CACNA1F: variants seen among roughly 807,000 people sequenced by gnomAD.
The protein encoded by CACNA1F is calcium voltage-gated channel subunit alpha1 F.
Under a neutral mutation model 143.8 loss-of-function variants are expected in CACNA1F, and 59 were observed. The ratio of observed to expected loss-of-function variants is 0.41; its 90% confidence interval spans 0.33 to 0.51. The LOEUF is 0.51. Ranked by LOEUF, CACNA1F falls within the 20% of genes least tolerant of loss-of-function variation. The probability of loss-of-function intolerance (pLI) is 0.22; values close to 1 mark genes in which losing one functional copy is unlikely to be tolerated. For synonymous variants in CACNA1F, 643 were observed against 649.1 expected, an observed-to-expected ratio of 0.99 and a Z score of 0.14; for missense variants, 1,411 against 1,647.5, an observed-to-expected ratio of 0.86 and a Z score of 2.48.
In CACNA1F at chrX:49,231,009, G is replaced by GGGGGA; in HGVS notation, c.382-21_382-20insTCCCC. 1 of 1,119,764 alleles carries GGGGGA rather than the reference G, an allele frequency of 8.9e-7. No individual in the cohort carries two copies. Among genetic ancestry groups the GGGGGA allele is most frequent in the Admixed American group, 2.2e-5 (1 of 45,209 alleles). The allele number at this position is 1,119,764 out of a possible 1,213,427, so 92.3% of individuals were successfully genotyped here. A position where few individuals can be genotyped will look rare whatever the true frequency, so the allele number is the denominator to read the frequency against. Reference sequence around the variant, plus strand: ...CTGCTCCTGGGGGTGGGACCGGGGGGCGGGTCGGGAAGTCGAGGAGTTATT... The same window carrying GGGGGA: ...CTGCTCCTGGGGGTGGGACCGGGGGGGGGGACGGGTCGGGAAGTCGAGGAGTTATT... On this transcript the variant is annotated intron_variant, in intron 3 of 47. Transcript: ENST00000323022.
rs1203684274 is a variant in CACNA1F at position 49,232,064 on chromosome X, A to C, written c.26-137T>G. The C allele has an allele frequency of 5.2e-6, 3 of 572,432 alleles. No individual in the cohort carries two copies. In the African/African-American group the frequency reaches 7.0e-5, roughly 13 times the overall value. 47.2% of individuals were successfully genotyped at this position (572,432 alleles called of 1,213,427 possible). On this transcript the variant is annotated intron_variant, in intron 1 of 47. Transcript: ENST00000323022. ...AGGGAGAACTGGGAGTAGCTGGGTTAAGGACTGGGAAGTAAGAGTGTTCGA... is the reference window on the plus strand; with the variant it reads ...AGGGAGAACTGGGAGTAGCTGGGTTCAGGACTGGGAAGTAAGAGTGTTCGA...
intron 47 of CACNA1F, 30 bp downstream of exon 47, chrX:49,205,586 C>T (rs1557104647): frequency 8.5e-7 from 1 of 1,177,303 alleles, no homozygotes; most frequent in South Asian, 1.8e-5. Context: ...TCTCCCCCAT[C>T]CGTCTTGTCT....
Position 49,205,689 on chromosome X carries a change from C to T in CACNA1F, c.5597G>A (p.Cys1866Tyr), listed in dbSNP as rs374860668. The T allele has an allele frequency of 8.3e-7, 1 of 1,203,453 alleles. No individual in the cohort carries two copies. The highest frequency in any genetic ancestry group is 1.1e-6 in the Non-Finnish European group (1 of 891,774). ...CGAGTGGGTTCCAGGCACGTGCAGACAGGTGAAGGTGCGCAGTGGGCCACT... is the reference window on the plus strand; with the variant it reads ...CGAGTGGGTTCCAGGCACGTGCAGATAGGTGAAGGTGCGCAGTGGGCCACT... ...RSSGPLRTFT[C>Y]LHVPGTHSDP... is the part of the protein sequence containing the mutation. Residue 1866 changes from cysteine to tyrosine, a missense_variant, in exon 47 of 48, where the codon TGT becomes TAT. Cys to Tyr is a radical substitution (Grantham distance 194, BLOSUM62 -2). Transcript: ENST00000323022.
At chrX:49,232,055 A>C (rs1461864742) in intron 1 of CACNA1F, 128 bp from the exon 2 acceptor site, 2 of 658,815 alleles carry the variant, frequency 3.0e-6, no homozygotes, top group Non-Finnish European at 4.5e-6. Flanking sequence ...AACTGGGAGT[A>C]GCTGGGTTAA....
At chrX:49,216,240 C>A in intron 27 of CACNA1F, 142 bp downstream of exon 27, 1 of 631,389 alleles carries the variant, frequency 1.6e-6, no homozygotes. Flanking sequence ...ACACCCACCA[C>A]TCTCCAGAAA....
chrX:49,212,299 A>G lies in CACNA1F; in HGVS notation c.3952T>C (p.Tyr1318His). The G allele has an allele frequency of 8.3e-7, 1 of 1,202,443 alleles. No individual in the cohort carries two copies. The highest frequency in any genetic ancestry group is 1.1e-6 in the Non-Finnish European group (1 of 887,190). The change falls in exon 34 of 48, where the codon TAT becomes CAT. Residue 1318 changes from tyrosine (Y) to histidine (H), a missense_variant. By Grantham distance (83) the Tyr-to-His change is moderately conservative. Coordinates refer to ENST00000323022, the MANE Select transcript of CACNA1F (RefSeq NM_001256789.3). ...ATCATTGCGATGAGAAGAGCCACAT[A>G]GGGCAAGGCCTATAGGGATGGGGGA... is the stretch of plus-strand genomic sequence containing the variant. ...TFIKSFQALP[Y>H]VALLIAMIFF...
intron 26 of CACNA1F, 65 bp downstream of exon 26, chrX:49,217,690 T>C: frequency 2.1e-6 from 2 of 958,680 alleles, no homozygotes; most frequent in East Asian, 3.1e-5. Context: ...TGGTGAGATC[T>C]AGAGGCTCTA....
Position 49,212,751 on chromosome X carries a change from G to A in CACNA1F, c.3858C>T (p.Leu1286=), listed in dbSNP as rs2065670742. The A allele has an allele frequency of 8.3e-7, 1 of 1,207,738 alleles. No individual in the cohort carries two copies. Among genetic ancestry groups the A allele is most frequent in the Non-Finnish European group, 1.1e-6 (1 of 893,964 alleles). ...SSRISITFFR[L]FRVMRLVKLL... ...GCTTGACCAGCCGCATAACTCGGAA[G>A]AGGCGAAAGAAGGTAATGGAAATGC... is the stretch of plus-strand genomic sequence containing the variant. The change falls in exon 33 of 48, where the codon CTC becomes CTT. Residue 1286 remains leucine (L), a synonymous_variant. Transcript: ENST00000323022.
rs1557105750 is a variant in CACNA1F, at chrX:49,209,664, T to C, written c.4786A>G (p.Asn1596Asp). Residue 1596 changes from asparagine to aspartate, a missense_variant, in exon 41 of 48, where the codon AAC becomes GAC. By Grantham distance (23) the Asn-to-Asp change is conservative. Around this residue, in one of 3 missense-constraint regions of CACNA1F, gnomAD observed 349 missense variants for 350.2 expected, o/e 1.00. Coordinates refer to ENST00000323022, the MANE Select transcript of CACNA1F (RefSeq NM_001256789.3). Reference sequence around the variant, plus strand: ...GAAGAGGTGCTAGGGGCGGCGTCGTTGCCTAGTAGCCCTTTTTCTTTCCTC... The same window carrying C: ...GAAGAGGTGCTAGGGGCGGCGTCGTCGCCTAGTAGCCCTTTTTCTTTCCTC... Reference protein sequence around the residue: ...RRRKEKGLLGNDAAPSTSSAL... With the variant: ...RRRKEKGLLGDDAAPSTSSAL... 8.3e-7 allele frequency: 1 copy of C among 1,211,022 alleles called. No homozygotes were observed.
At position 49,226,452 on chromosome X, in the gene CACNA1F, C is replaced by T. The variant is rs2065825237; in HGVS notation, c.1420G>A (p.Glu474Lys). The change falls in exon 11 of 48, where the codon GAG becomes AAG. Residue 474 changes from glutamate (E) to lysine (K), a missense_variant. Glu to Lys is a moderately conservative substitution (Grantham distance 56). Transcript: ENST00000323022. ...GCCAGAGCCCCCTCCTCCTCATCCT[C>T]ATCGCCTTGGGTCTCTGTCATGGAA... ...TGSMTETQGD[E>K]DEEEGALASC... The T allele has an allele frequency of 8.4e-7, 1 of 1,191,424 alleles. No homozygotes were observed. The highest frequency in any genetic ancestry group is 1.7e-5 in the African/African-American group (1 of 57,492).
intron 37 of CACNA1F, 60 bp from the exon 38 acceptor site, chrX:49,210,746 G>T: frequency 1.0e-6 from 1 of 980,232 alleles, no homozygotes; most frequent in Admixed American, 2.5e-5. Flanking sequence ...CTTTCTCAAG[G>T]CCCCACCAGC....
At position 49,229,981 on chromosome X, in the gene CACNA1F, G is replaced by A. The variant is rs1046892347; in HGVS notation, c.817+239C>T. ...ACTTGCACTTAAGTCTTAAGTGCGG[G>A]GCAGGACCTTAGCCTGTGGGTACAG... On this transcript the variant is annotated intron_variant, in intron 6 of 47. Transcript: ENST00000323022. Among the ~76,000 whole-genome samples the A allele has an allele frequency of 5.3e-5, 6 of 112,240 alleles. No individual in the cohort carries two copies. The South Asian group carries it at 2.2e-3, about 41-fold the overall frequency.
At chrX:49,213,351 C>A (rs1335055950) in intron 31 of CACNA1F, among the ~76,000 whole-genome samples, 1 of 111,322 alleles carries the variant, frequency 9.0e-6, no homozygotes, top group African/African-American at 3.3e-5. Context: ...GTTGAGGTGA[C>A]AGAACCATGT....
chrX:49,227,417 T>C (rs913266649), intron 8 of CACNA1F, among the ~76,000 whole-genome samples: 1 of 111,861 alleles, frequency 8.9e-6, no homozygotes, highest in Non-Finnish European at 1.9e-5. Flanking sequence ...CTCGACCTCC[T>C]GGGCTCAAGC....
chrX:49,214,332 T>A lies in CACNA1F; in HGVS notation c.3598-63A>T, dbSNP rs1253708573. ...AGAGATGCCGCCACACCCAACCAAA[T>A]ATTCCCTGGCCTGGGCTGAGACGAG... On this transcript the variant is annotated intron_variant, in intron 29 of 47. Transcript: ENST00000323022. 65 of 686,328 alleles carry A rather than the reference T, an allele frequency of 9.5e-5. No homozygotes were observed. The Admixed American group carries it at 1.4e-3, about 15-fold the overall frequency. The allele number at this position is 686,328 out of a possible 1,213,427, so 56.6% of individuals were successfully genotyped here. A position where few individuals can be genotyped will look rare whatever the true frequency, so the allele number is the denominator to read the frequency against.
chrX:49,211,257 A>G, intron 36 of CACNA1F, 65 bp downstream of exon 36: 1 of 1,164,211 alleles, frequency 8.6e-7, no homozygotes, highest in African/African-American at 1.8e-5. Context: ...CCCACGTCAC[A>G]TCCCTGAGCC....
chrX:49,206,450 C>A, intron 46 of CACNA1F, 61 bp downstream of exon 46: 5 of 476,352 alleles, frequency 1.0e-5, no homozygotes, highest in Non-Finnish European at 1.5e-5. Context: ...TTGAGAAATT[C>A]AGCCTAGGCT....
Position 49,215,098 on chromosome X carries a change from G to A in CACNA1F, c.3585C>T (p.Ala1195=). 2 of 1,210,924 alleles carry A rather than the reference G, an allele frequency of 1.7e-6. No homozygotes were observed. The highest frequency in any genetic ancestry group is 3.0e-5 in the East Asian group (1 of 33,852). ...MFLLILLNTV[A]LAMQHYEQTA... The stretch of plus-strand genomic sequence containing the variant: ...AGGGATCTCAGACCTGCATGGCTAG[G>A]GCAACTGTGTTGAGCAGGATGAGCA... The change falls in exon 29 of 48, where the codon GCC becomes GCT. Residue 1195 remains alanine, a synonymous_variant. Transcript: ENST00000323022.
intron 41 of CACNA1F, 90 bp downstream of exon 41, chrX:49,209,539 G>T: frequency 8.6e-7 from 1 of 1,163,640 alleles, no homozygotes; most frequent in Non-Finnish European, 1.2e-6. Context: ...CCTTATCTGT[G>T]ACATGGGTTT....
Sources: allele counts gnomAD v4.1 joint callset (sites outside exome capture counted in the v4.1 genomes callset), GRCh38; gene constraint gnomAD v4.1.1; regional missense constraint gnomAD v4.1.1; transcripts MANE v1.5; gene names NCBI Gene and HGNC (gene_info 2026-07-23, HGNC 2026-07-21).